The following FNDC3B variants were observed in gnomAD, a reference collection of about 807,000 sequenced individuals.
The protein encoded by FNDC3B is fibronectin type III domain-containing protein 3B.
FNDC3B carries 12 observed loss-of-function variants against 151.5 expected under a neutral mutation model. The ratio of observed to expected loss-of-function variants is 0.08; its 90% CI spans 0.05 to 0.13. The LOEUF (loss-of-function observed/expected upper bound fraction) is 0.13, where lower values mean the gene tolerates loss of function less well. Ranked by LOEUF, FNDC3B falls within the 10% of genes least tolerant of loss-of-function variation. The probability of loss-of-function intolerance (pLI) is 1.00; values close to 1 mark genes in which losing one functional copy is unlikely to be tolerated. For synonymous variants in FNDC3B, 528 were observed against 549.0 expected (o/e 0.96, Z 0.54); for missense variants, 1,214 against 1,505.3 (o/e 0.81, Z 3.20).
chr3:172,281,937 C>T (rs1729749628), intron 6 of FNDC3B, among the ~76,000 whole-genome samples: 4 of 152,116 alleles, frequency 2.6e-5, no homozygotes, highest in African/African-American at 9.6e-5. Flanking sequence ...AGAAAACATG[C>T]CACCAAACAA....
chr3:172,139,363 A>G (rs2108582765), intron 3 of FNDC3B, among the ~76,000 whole-genome samples: 1 of 152,320 alleles, frequency 6.6e-6, no homozygotes, highest in African/African-American at 2.4e-5. Flanking sequence ...GAGGTAGACT[A>G]AAACTTCAAA....
intron 22 of FNDC3B, among the ~76,000 whole-genome samples, chr3:172,361,316 C>G (rs1175467758): frequency 6.6e-6 from 1 of 152,194 alleles, no homozygotes; most frequent in Non-Finnish European, 1.5e-5. Flanking sequence ...TCTCTGCTTC[C>G]CTTTTAATTA....
At chr3:172,100,616 A>T (rs1382519783) in intron 1 of FNDC3B, among the ~76,000 whole-genome samples, 1 of 152,164 alleles carries the variant, frequency 6.6e-6, no homozygotes, top group Non-Finnish European at 1.5e-5. Flanking sequence ...ATTCCCTTAC[A>T]CAGTATGTCT....
intron 25 of FNDC3B, among the ~76,000 whole-genome samples, chr3:172,382,138 T>C (rs1735475246): frequency 6.6e-6 from 1 of 152,230 alleles, no homozygotes; most frequent in African/African-American, 2.4e-5. Context: ...ATCTGTTGTT[T>C]CCTGACTTTT....
chr3:172,078,058 G>A (rs1305275453), intron 1 of FNDC3B, among the ~76,000 whole-genome samples: 1 of 152,072 alleles, frequency 6.6e-6, no homozygotes, highest in Non-Finnish European at 1.5e-5. Flanking sequence ...TCTGCTCACT[G>A]CAACCTCCAT....
intron 3 of FNDC3B, among the ~76,000 whole-genome samples, chr3:172,191,139 C>T (rs1471540680): frequency 9.9e-5 from 15 of 152,156 alleles, no homozygotes; most frequent in Admixed American, 9.8e-4. Flanking sequence ...CTCAGAGAAG[C>T]CATGTAATTT....
chr3:172,249,139 A>G (rs1727936804), intron 5 of FNDC3B, among the ~76,000 whole-genome samples: 2 of 152,100 alleles, frequency 1.3e-5, no homozygotes, highest in Admixed American at 6.6e-5. Flanking sequence ...TTGACTCAAC[A>G]TGCATTAAAT....
intron 3 of FNDC3B, among the ~76,000 whole-genome samples, chr3:172,187,775 T>C (rs1255260990): frequency 2.0e-5 from 3 of 152,230 alleles, no homozygotes; most frequent in Middle Eastern, 3.4e-3. Context: ...TGTATGCCAC[T>C]ACACTCAGCT....
chr3:172,183,515 C>T (rs981555159), intron 3 of FNDC3B, among the ~76,000 whole-genome samples: 1 of 152,140 alleles, frequency 6.6e-6, no homozygotes, highest in Non-Finnish European at 1.5e-5. Flanking sequence ...AGTTAAGTTG[C>T]TTACTGGTCT....
intron 3 of FNDC3B, among the ~76,000 whole-genome samples, chr3:172,145,253 A>C (rs1378601612): frequency 6.6e-6 from 1 of 152,154 alleles, no homozygotes; most frequent in Non-Finnish European, 1.5e-5. Context: ...TCTGTTCCAA[A>C]TTGATAAGAA....
chr3:172,269,806 G>A (rs1729105789), intron 6 of FNDC3B, among the ~76,000 whole-genome samples: 1 of 152,072 alleles, frequency 6.6e-6, no homozygotes, highest in African/African-American at 2.4e-5. Context: ...CACCATGCCT[G>A]GCTAATTTTT....
At chr3:172,197,747 A>G (rs994899906) in intron 3 of FNDC3B, among the ~76,000 whole-genome samples, 4 of 152,252 alleles carry the variant, frequency 2.6e-5, no homozygotes, top group Admixed American at 1.3e-4. Context: ...GATTAGATCC[A>G]GGTTATCCAT....
chr3:172,376,479 A>G (rs547807422), intron 23 of FNDC3B, among the ~76,000 whole-genome samples: 4 of 152,324 alleles, frequency 2.6e-5, no homozygotes, highest in African/African-American at 9.6e-5. Flanking sequence ...TAACACTTTC[A>G]CTACTTAAAC....
chr3:172,397,022 A>G, intron 25 of FNDC3B, 142 bp from the exon 26 acceptor site: 1 of 630,720 alleles, frequency 1.6e-6, no homozygotes, highest in Admixed American at 3.3e-5. Flanking sequence ...AGATTGAGAG[A>G]AGTACATTTT....
chr3:172,071,777 A>G (rs923531758), intron 1 of FNDC3B, among the ~76,000 whole-genome samples: 1 of 152,158 alleles, frequency 6.6e-6, no homozygotes, highest in African/African-American at 2.4e-5. Flanking sequence ...AGCATATTGT[A>G]GGGCTTAGTA....
intron 1 of FNDC3B, among the ~76,000 whole-genome samples, chr3:172,052,588 A>AG (rs901342156): frequency 8.5e-5 from 13 of 152,302 alleles, no homozygotes; most frequent in African/African-American, 3.1e-4. Flanking sequence ...AGCTATTTGC[A>AG]GGGGGAGTTA....
chr3:172,049,742 G>T (rs1329754814), intron 1 of FNDC3B, among the ~76,000 whole-genome samples: 1 of 152,098 alleles, frequency 6.6e-6, no homozygotes, highest in Non-Finnish European at 1.5e-5. Context: ...GGTCAGGCTG[G>T]TTTCAAACTC....
At position 172,398,748 on chromosome 3, in the gene FNDC3B, A is replaced by AAAAAT. The variant is rs1034209048; in HGVS notation, c.*1288_*1292dup. ...CTGTGCCTCAGTTTTCCCATGCATG[A>AAAAAT]AAAATAAAATAAAATAAAACGGGGA... On this transcript the variant is annotated 3_prime_UTR_variant, in exon 26 of 26. Transcript: ENST00000415807. 6.6e-6 allele frequency: 1 copy of AAAAAT among 152,260 alleles called. No homozygotes were observed. Among genetic ancestry groups the AAAAAT allele is most frequent in the African/African-American group, 2.4e-5 (1 of 41,436 alleles). The allele number at this position is 152,260 out of a possible 1,614,324, so 9.4% of individuals were successfully genotyped here.
At position 172,362,659 on chromosome 3, in the gene FNDC3B, T is replaced by A; in HGVS notation, c.2822T>A (p.Ile941Asn). 6.2e-7 allele frequency: 1 copy of A among 1,614,084 alleles called. No homozygotes were observed. The highest frequency in any genetic ancestry group is 8.5e-7 in the Non-Finnish European group (1 of 1,179,948). The change falls in exon 23 of 26, where the codon ATT (isoleucine) becomes AAT (asparagine). Residue 941 changes from isoleucine (I) to asparagine (N), a missense_variant. By Grantham distance (149) the Ile-to-Asn change is moderately radical. Around this residue, in one of 7 missense-constraint regions of FNDC3B, gnomAD observed 284 missense variants for 392.4 expected, o/e 0.72. Transcript: ENST00000415807. ...YRIRIQAINE[I>N]GAGPFSQFIK... ...ATCAGAATTCAGGCTATAAATGAAA[T>A]TGGAGCTGGACCATTTAGTCAGTTC...
Sources: allele counts gnomAD v4.1 joint callset (sites outside exome capture counted in the v4.1 genomes callset), GRCh38; gene constraint gnomAD v4.1.1; regional missense constraint gnomAD v4.1.1; transcripts MANE v1.5; gene names NCBI Gene and HGNC (gene_info 2026-07-23, HGNC 2026-07-21).